STK32B: variants seen among roughly 807,000 people sequenced by gnomAD.
STK32B encodes serine/threonine-protein kinase 32B.
In STK32B, 43 loss-of-function variants were observed where a neutral mutation model predicts 52.6. The observed-to-expected ratio is 0.82, with a 90% confidence interval of 0.64 to 1.05. STK32B has a LOEUF of 1.05. Ranked by LOEUF, STK32B falls within the 50% of genes least tolerant of loss-of-function variation. The pLI, the probability that STK32B is intolerant of heterozygous loss-of-function variation, is 0.00. For synonymous variants in STK32B, 238 were observed against 204.3 expected (o/e 1.17, Z -1.41); for missense variants, 621 against 534.6 (o/e 1.16, Z -1.59).
At chr4:5,269,320 G>C (rs1056211012) in intron 3 of STK32B, among the ~76,000 whole-genome samples, 8 of 152,034 alleles carry the variant, frequency 5.3e-5, no homozygotes, top group African/African-American at 9.7e-5. Flanking sequence ...AACATAGAAG[G>C]GTCTCAGGAA....
chr4:5,085,997 A>G (rs1285586702), intron 1 of STK32B, among the ~76,000 whole-genome samples: 1 of 140,282 alleles, frequency 7.1e-6, no homozygotes, highest in Non-Finnish European at 1.7e-5. Context: ...TCCCAGTGCT[A>G]CTTGGGAGGA....
intron 2 of STK32B, among the ~76,000 whole-genome samples, chr4:5,147,406 C>T (rs189641848): frequency 2.6e-5 from 4 of 152,166 alleles, no homozygotes; most frequent in African/African-American, 9.6e-5. Context: ...CTATTCTCCC[C>T]TTTATTTATG....
At chr4:5,409,708 G>A (rs774224346) in intron 5 of STK32B, among the ~76,000 whole-genome samples, 5 of 152,082 alleles carry the variant, frequency 3.3e-5, no homozygotes, top group Non-Finnish European at 5.9e-5. Context: ...AAATCTCAGC[G>A]AAAGAGCTCA....
rs1560420549 is a variant in STK32B, at chr4:5,446,688, A to T, written c.578A>T (p.Gln193Leu). The change falls in exon 7 of 12, where the codon CAG becomes CTG. Residue 193 changes from glutamine to leucine, a missense_variant. Coordinates refer to ENST00000282908, the MANE Select transcript of STK32B (RefSeq NM_018401.3). ...TCGTTGGCAGCTCCAGAAGTATTCC[A>T]GGTGTACATGGACAGAGGCCCCGGA... ...TKPYMAPEVFQVYMDRGPGYS... is the reference protein window; with the variant it reads ...TKPYMAPEVFLVYMDRGPGYS... The T allele has an allele frequency of 1.9e-6, 3 of 1,613,998 alleles. No homozygotes were observed. Among genetic ancestry groups the T allele is most frequent in the Non-Finnish European group, 2.5e-6 (3 of 1,179,958 alleles).
chr4:5,423,204 C>G lies in STK32B; in HGVS notation c.562+6270C>G, dbSNP rs1050924570. ...TGAGTAACAGGAAAGCATTAGGGGT[C>G]AGGCTCAAGGGGGATGGTCCAGGTG... On this transcript the variant is annotated intron_variant, in intron 6 of 11. Transcript: ENST00000282908. 5.9e-5 allele frequency among the ~76,000 whole-genome samples: 9 copies of G among 152,090 alleles called. No individual in the cohort carries two copies. In the South Asian group the frequency reaches 1.0e-3, roughly 18 times the overall value.
chr4:5,314,103 T>C (rs1311083967), intron 3 of STK32B, among the ~76,000 whole-genome samples: 4 of 143,676 alleles, frequency 2.8e-5, no homozygotes, highest in Non-Finnish European at 5.9e-5. Context: ...ACAGGGTCTA[T>C]AATAGCTAAG....
chr4:5,281,453 A>G (rs888539758), intron 3 of STK32B, among the ~76,000 whole-genome samples: 1 of 152,126 alleles, frequency 6.6e-6, no homozygotes, highest in African/African-American at 2.4e-5. Flanking sequence ...GTTGGGGGCA[A>G]AGGGTTGGGA....
intron 3 of STK32B, among the ~76,000 whole-genome samples, chr4:5,285,024 AAC>A (rs1728455354): frequency 7.9e-6 from 1 of 126,088 alleles, no homozygotes; most frequent in South Asian, 2.3e-4. Context: ...TCATCTTATA[AAC>A]AGAGATGTAA....
chr4:5,143,101 C>CTCTGTCTCTGTCTCTGTCTG (rs1553835238), intron 2 of STK32B, among the ~76,000 whole-genome samples: 1 of 135,568 alleles, frequency 7.4e-6, no homozygotes. Flanking sequence ...CTGTCTCTGT[C>CTCTGTCTCTGTCTCTGTCTG]TCTGTCTGTC....
chr4:5,321,337 A>C (rs903353970), intron 3 of STK32B, among the ~76,000 whole-genome samples: 5 of 152,180 alleles, frequency 3.3e-5, no homozygotes, highest in Admixed American at 6.5e-5. Context: ...GTTATCATTT[A>C]TCCTTTCCCA....
chr4:5,187,627 G>GGGGGGGGAGGA (rs1720851183), intron 3 of STK32B, among the ~76,000 whole-genome samples: 1 of 141,668 alleles, frequency 7.1e-6, no homozygotes, highest in African/African-American at 2.6e-5. Context: ...GCGGGGGAGG[G>GGGGGGGGAGGA]GGGGGACAAG....
intron 9 of STK32B, among the ~76,000 whole-genome samples, chr4:5,465,010 G>A (rs1035072579): frequency 3.3e-5 from 5 of 152,114 alleles, no homozygotes; most frequent in Non-Finnish European, 7.4e-5. Context: ...TCCAGGAGTT[G>A]GTGATGATGG....
chr4:5,164,976 C>G (rs10000580), intron 2 of STK32B, among the ~76,000 whole-genome samples: 82,010 of 152,052 alleles, frequency 0.54, 22,378 homozygotes, highest in African/African-American at 0.6. Flanking sequence ...AAGTCCAGAG[C>G]GGCTGAGGTT....
chr4:5,234,205 A>G (rs543239219), intron 3 of STK32B, among the ~76,000 whole-genome samples: 2 of 152,284 alleles, frequency 1.3e-5, no homozygotes, highest in East Asian at 3.9e-4. Context: ...GCTCTTTTGA[A>G]TCAACTCTGC....
At chr4:5,306,590 A>G (rs554692441) in intron 3 of STK32B, among the ~76,000 whole-genome samples, 11 of 152,262 alleles carry the variant, frequency 7.2e-5, no homozygotes, top group Admixed American at 1.3e-4. Flanking sequence ...GTTCTTATCT[A>G]TTCTGCCATT....
intron 4 of STK32B, among the ~76,000 whole-genome samples, chr4:5,350,405 T>A (rs1377542610): frequency 1.3e-5 from 2 of 151,828 alleles, no homozygotes; most frequent in African/African-American, 4.8e-5. Context: ...CTACAAGAAA[T>A]GCTTGAGGGA....
intron 3 of STK32B, among the ~76,000 whole-genome samples, chr4:5,195,530 TA>T (rs1273820760): frequency 3.3e-5 from 5 of 152,132 alleles, no homozygotes; most frequent in Non-Finnish European, 7.3e-5. Flanking sequence ...CTTTCTGTAC[TA>T]AAAATATAAA....
At chr4:5,433,700 C>T (rs6843427) in intron 6 of STK32B, among the ~76,000 whole-genome samples, 6,395 of 152,220 alleles carry the variant, frequency 0.042, 269 homozygotes, top group African/African-American at 0.1. Context: ...GCTGTCAGCT[C>T]GCAGGCTAGA....
intron 3 of STK32B, among the ~76,000 whole-genome samples, chr4:5,241,164 C>A (rs1345602725): frequency 1.3e-5 from 2 of 152,098 alleles, no homozygotes; most frequent in African/African-American, 4.8e-5. Context: ...CTGTGGCAAT[C>A]CCAGCTTGTT....
Sources: gnomAD v4.1 joint callset for allele counts (sites outside exome capture counted in the v4.1 genomes callset) on GRCh38, gnomAD v4.1.1 for gene constraint, MANE v1.5 for transcripts, NCBI Gene and HGNC (gene_info 2026-07-23, HGNC 2026-07-21) for gene names.